NBAS: variants seen among roughly 807,000 people sequenced by gnomAD.
NBAS encodes NAG/BC035112 fusion.
Under a neutral mutation model 302.5 loss-of-function variants are expected in NBAS, and 219 were observed. The ratio of observed to expected loss-of-function variants is 0.72; its 90% confidence interval spans 0.65 to 0.81. The LOEUF (loss-of-function observed/expected upper bound fraction) is 0.81. Ranked by LOEUF, NBAS falls within the 30% of genes least tolerant of loss-of-function variation. The probability of loss-of-function intolerance (pLI) is 0.00; values close to 1 mark genes in which losing one functional copy is unlikely to be tolerated. For synonymous variants in NBAS, 1,118 were observed against 1,021.6 expected, an observed-to-expected ratio of 1.09 and a Z score of -1.80; for missense variants, 2,932 against 2,841.6, an observed-to-expected ratio of 1.03 and a Z score of -0.72.
chr2:14,852,705 G>T, the NBAS span, among the ~76,000 whole-genome samples: 4 of 148,848 alleles, frequency 2.7e-5, no homozygotes, highest in South Asian at 8.6e-4. Flanking sequence ...AACAGCATGG[G>T]ACTGGTACCA....
downstream of NBAS, among the ~76,000 whole-genome samples, chr2:15,162,150 G>C (rs1310163394): frequency 6.6e-6 from 1 of 150,914 alleles, no homozygotes; most frequent in Non-Finnish European, 1.5e-5. Flanking sequence ...CTCAAACCCA[G>C]ACCCCTGACT....
the NBAS span, among the ~76,000 whole-genome samples, chr2:14,833,351 A>G: frequency 6.6e-6 from 1 of 152,160 alleles, no homozygotes; most frequent in African/African-American, 2.4e-5. Context: ...TTCTGAAACT[A>G]TAGATAACGG....
At chr2:15,207,101 G>A (rs1319420709) in intron 48 of NBAS, among the ~76,000 whole-genome samples, 1 of 152,192 alleles carries the variant, frequency 6.6e-6, no homozygotes, top group African/African-American at 2.4e-5. Context: ...AGCAGTCATG[G>A]AGGCTGTACC....
intron 14 of NBAS, among the ~76,000 whole-genome samples, 169 bp downstream of exon 14, chr2:15,475,518 T>A (rs1054226993): frequency 1.3e-5 from 2 of 152,158 alleles, no homozygotes; most frequent in Non-Finnish European, 2.9e-5. Context: ...AATTGCAAAT[T>A]TTTTTATTCA....
chr2:15,431,217 A>G lies in NBAS; in HGVS notation c.2340-3423T>C, dbSNP rs72778619. On this transcript the variant is annotated intron_variant, in intron 21 of 51. Transcript: ENST00000281513. ...AACTAAGATATATAACTACTACATT[A>G]CTAGTCTAATAAAACTAATATCTAT... 2.0e-3 allele frequency among the ~76,000 whole-genome samples: 306 copies of G among 152,266 alleles called. 2 individuals are homozygous for G. The highest frequency in any genetic ancestry group is 3.2e-3 in the Non-Finnish European group (219 of 68,018).
intron 45 of NBAS, among the ~76,000 whole-genome samples, chr2:15,236,786 C>T (rs943837524): frequency 3.9e-5 from 6 of 151,958 alleles, no homozygotes; most frequent in Non-Finnish European, 8.8e-5. Flanking sequence ...ATTGGTAAAG[C>T]CAATTTGTTT....
chr2:14,793,668 A>G, the NBAS span, among the ~76,000 whole-genome samples: 1 of 152,202 alleles, frequency 6.6e-6, no homozygotes, highest in East Asian at 1.9e-4. Flanking sequence ...ATCGATGAAA[A>G]AAATGTTCCA....
chr2:15,346,393 T>TG (rs1673092633), intron 35 of NBAS, among the ~76,000 whole-genome samples: 1 of 151,890 alleles, frequency 6.6e-6, no homozygotes, highest in Non-Finnish European at 1.5e-5. Context: ...AAGAAACACA[T>TG]GAAAAAAAGC....
chr2:15,534,829 G>GT (rs1380908418), intron 8 of NBAS, among the ~76,000 whole-genome samples, 188 bp from the exon 9 acceptor site: 3 of 152,132 alleles, frequency 2.0e-5, no homozygotes, highest in Non-Finnish European at 2.9e-5. Context: ...AAAAAGTGTA[G>GT]TTTTTTATAA....
intron 11 of NBAS, among the ~76,000 whole-genome samples, chr2:15,492,131 G>A (rs1184791799): frequency 6.6e-6 from 1 of 152,180 alleles, no homozygotes; most frequent in Non-Finnish European, 1.5e-5. Flanking sequence ...AGAAATTACA[G>A]TATAATAAAT....
At chr2:14,783,814 A>C in the NBAS span, among the ~76,000 whole-genome samples, 59,566 of 151,504 alleles carry the variant, frequency 0.39, 12,138 homozygotes, top group African/African-American at 0.49. Flanking sequence ...AGCATGATTT[A>C]TAGTCCTTTG....
the NBAS span, among the ~76,000 whole-genome samples, chr2:14,872,921 T>C: frequency 3.9e-5 from 6 of 152,172 alleles, no homozygotes; most frequent in Admixed American, 2.6e-4. Flanking sequence ...ACTTCAGGAA[T>C]GAAGCTGCAG....
chr2:14,978,465 T>A, the NBAS span, among the ~76,000 whole-genome samples: 1,124 of 152,258 alleles, frequency 7.4e-3, 13 homozygotes, highest in African/African-American at 0.02. Context: ...ATCTCAAAAA[T>A]TTAATTTATG....
At chr2:15,534,796 G>A (rs891411288) in intron 8 of NBAS, among the ~76,000 whole-genome samples, 155 bp from the exon 9 acceptor site, 1 of 152,102 alleles carries the variant, frequency 6.6e-6, no homozygotes, top group Non-Finnish European at 1.5e-5. Flanking sequence ...ACAATGAGAA[G>A]GTAATTGATA....
At chr2:14,805,164 G>C in the NBAS span, among the ~76,000 whole-genome samples, 3 of 152,184 alleles carry the variant, frequency 2.0e-5, no homozygotes, top group Non-Finnish European at 4.4e-5. Flanking sequence ...AATGTGACAG[G>C]TGCTAGCAGA....
At chr2:15,206,088 C>A (rs1666130368) in intron 48 of NBAS, among the ~76,000 whole-genome samples, 1 of 152,118 alleles carries the variant, frequency 6.6e-6, no homozygotes, top group Non-Finnish European at 1.5e-5. Context: ...ATGAAACTTC[C>A]TAGAGACTTT....
intron 50 of NBAS, among the ~76,000 whole-genome samples, chr2:15,186,101 C>T (rs1001153524): frequency 1.9e-4 from 29 of 149,856 alleles, no homozygotes; most frequent in African/African-American, 7.2e-4. Flanking sequence ...CACACACACA[C>T]ACACACACAT....
At chr2:14,847,932 T>G in the NBAS span, among the ~76,000 whole-genome samples, 1 of 152,184 alleles carries the variant, frequency 6.6e-6, no homozygotes, top group Non-Finnish European at 1.5e-5. Flanking sequence ...TCAAGCATCT[T>G]CTCTGACCAC....
chr2:15,424,668 C>T (rs549489280), intron 22 of NBAS, among the ~76,000 whole-genome samples, 200 bp from the exon 23 acceptor site: 2 of 152,214 alleles, frequency 1.3e-5, no homozygotes, highest in East Asian at 3.9e-4. Flanking sequence ...TTTATTTTCC[C>T]CCCGTTTTCC....
Sources: allele counts gnomAD v4.1 joint callset (sites outside exome capture counted in the v4.1 genomes callset), GRCh38; gene constraint gnomAD v4.1.1; transcripts MANE v1.5; gene names NCBI Gene and HGNC (gene_info 2026-07-23, HGNC 2026-07-21).